The following ANTXR2 variants were observed in gnomAD, a reference collection of about 807,000 sequenced individuals.
ANTXR2 encodes the protein ANTXR cell adhesion molecule 2.
In ANTXR2, 44 loss-of-function variants were observed where a neutral mutation model predicts 73.7. The ratio of observed to expected loss-of-function variants is 0.60; its 90% CI spans 0.47 to 0.77. ANTXR2 has a LOEUF of 0.77. Ranked by LOEUF, ANTXR2 falls within the 30% of genes least tolerant of loss-of-function variation. The pLI, the probability that ANTXR2 is intolerant of heterozygous loss-of-function variation, is 0.00. For synonymous variants in ANTXR2, 217 were observed against 205.9 expected, an observed-to-expected ratio of 1.05 and a Z score of -0.46; for missense variants, 604 against 592.5, an observed-to-expected ratio of 1.02 and a Z score of -0.20.
chr4:80,012,478 ACAATGG>A (rs1212773558), intron 11 of ANTXR2, among the ~76,000 whole-genome samples: 5 of 152,178 alleles, frequency 3.3e-5, no homozygotes, highest in African/African-American at 1.2e-4. Flanking sequence ...TTTTTGCACT[ACAATGG>A]TAGAGTTAAG....
chr4:79,984,272 C>T (rs1275848525), intron 13 of ANTXR2, among the ~76,000 whole-genome samples: 1 of 152,064 alleles, frequency 6.6e-6, no homozygotes, highest in Non-Finnish European at 1.5e-5. Context: ...TCACTTCATA[C>T]TTAGAAAGAT....
intron 3 of ANTXR2, among the ~76,000 whole-genome samples, chr4:80,061,161 A>C (rs1392695102): frequency 6.6e-6 from 1 of 152,124 alleles, no homozygotes; most frequent in Non-Finnish European, 1.5e-5. Context: ...TGCCTTAATA[A>C]ATCTTAGGCC....
intron 16 of ANTXR2, among the ~76,000 whole-genome samples, chr4:79,959,031 TG>T (rs1449757590): frequency 6.6e-6 from 1 of 151,860 alleles, no homozygotes; most frequent in African/African-American, 2.4e-5. Context: ...AAAGATCAAA[TG>T]TTTTTAAAAA....
chr4:80,037,768 A>G (rs1733046121), intron 7 of ANTXR2, among the ~76,000 whole-genome samples: 1 of 152,174 alleles, frequency 6.6e-6, no homozygotes, highest in African/African-American at 2.4e-5. Flanking sequence ...AGGAAATAGA[A>G]TAGAAAAGAT....
At chr4:80,051,507 A>G (rs1174740080) in intron 7 of ANTXR2, among the ~76,000 whole-genome samples, 2 of 151,752 alleles carry the variant, frequency 1.3e-5, no homozygotes, top group Non-Finnish European at 2.9e-5. Context: ...TACTTGAGAT[A>G]ATGAATTACA....
In ANTXR2 at chr4:79,947,385, T is replaced by A. The variant is rs141623795; in HGVS notation, c.1428+30236A>T. ...AGCAAGGTCCTATTCACAACAAGGATTGGTTTGGCATGACCATCATTCATA... is the reference window on the plus strand; with the variant it reads ...AGCAAGGTCCTATTCACAACAAGGAATGGTTTGGCATGACCATCATTCATA... On this transcript the variant is annotated intron_variant, in intron 16 of 16. Coordinates refer to ENST00000403729, the MANE Select transcript of ANTXR2 (RefSeq NM_058172.6). Among the ~76,000 whole-genome samples the A allele has an allele frequency of 2.0e-4, 30 of 152,256 alleles. 1 individual carries two copies. Among genetic ancestry groups the A allele is most frequent in the African/African-American group, 6.7e-4 (28 of 41,556 alleles).
chr4:79,917,660 G>T (rs971456261), intron 16 of ANTXR2, among the ~76,000 whole-genome samples: 1 of 152,096 alleles, frequency 6.6e-6, no homozygotes, highest in Non-Finnish European at 1.5e-5. Context: ...TCAAATTCAT[G>T]AAAGCTACTA....
At chr4:79,914,956 T>C (rs536134819) in intron 16 of ANTXR2, among the ~76,000 whole-genome samples, 1 of 152,268 alleles carries the variant, frequency 6.6e-6, no homozygotes, top group East Asian at 1.9e-4. Flanking sequence ...ATACAGAATG[T>C]ACCAAGGATA....
intron 16 of ANTXR2, among the ~76,000 whole-genome samples, chr4:79,944,742 T>C (rs1256542112): frequency 6.6e-6 from 1 of 152,128 alleles, no homozygotes; most frequent in African/African-American, 2.4e-5. Context: ...CCATTAATCT[T>C]TTAAATACAT....
intron 3 of ANTXR2, among the ~76,000 whole-genome samples, chr4:80,068,572 C>T (rs1734622511): frequency 6.6e-6 from 1 of 152,088 alleles, no homozygotes; most frequent in Non-Finnish European, 1.5e-5. Context: ...AGTTCAAGAT[C>T]AACCTGGCCA....
At chr4:80,009,643 A>G (rs1731474194) in intron 11 of ANTXR2, among the ~76,000 whole-genome samples, 1 of 151,986 alleles carries the variant, frequency 6.6e-6, no homozygotes, top group Non-Finnish European at 1.5e-5. Context: ...GGTCAGGAGT[A>G]TGAGACCAGC....
At chr4:80,019,601 T>C (rs1732059224) in intron 10 of ANTXR2, among the ~76,000 whole-genome samples, 1 of 152,204 alleles carries the variant, frequency 6.6e-6, no homozygotes, top group African/African-American at 2.4e-5. Context: ...AGATCCCATT[T>C]AGCCTATTTC....
chr4:79,981,547 G>A (rs1729890742), intron 14 of ANTXR2, among the ~76,000 whole-genome samples: 2 of 151,508 alleles, frequency 1.3e-5, no homozygotes, highest in African/African-American at 4.9e-5. Flanking sequence ...ATGTGTATAG[G>A]GTATATATCA....
At chr4:80,031,897 C>A (rs767741622) in intron 9 of ANTXR2, among the ~76,000 whole-genome samples, 1 of 151,484 alleles carries the variant, frequency 6.6e-6, no homozygotes, top group South Asian at 2.1e-4. Context: ...GTTGGTAAAT[C>A]ATAAGTTAGG....
At chr4:79,981,560 CA>C (rs1237065867) in intron 14 of ANTXR2, among the ~76,000 whole-genome samples, 1 of 151,868 alleles carries the variant, frequency 6.6e-6, no homozygotes, top group Non-Finnish European at 1.5e-5. Flanking sequence ...ATATATCAAA[CA>C]AAAATAAATT....
chr4:80,051,663 C>G (rs1374322177), intron 7 of ANTXR2, among the ~76,000 whole-genome samples: 2 of 151,636 alleles, frequency 1.3e-5, no homozygotes, highest in Non-Finnish European at 3.0e-5. Context: ...AAGTGATTTT[C>G]TGGATCAAAT....
intron 9 of ANTXR2, among the ~76,000 whole-genome samples, chr4:80,032,937 C>CAA (rs148620017): frequency 6.8e-6 from 1 of 147,758 alleles, no homozygotes; most frequent in Admixed American, 6.7e-5. Context: ...ATCTATAAGG[C>CAA]AAAAAAAGAC....
At chr4:80,011,270 GCTATCTATCTATCTAT>G (rs34305853) in intron 11 of ANTXR2, among the ~76,000 whole-genome samples, 299 of 149,242 alleles carry the variant, frequency 2.0e-3, no homozygotes, top group Middle Eastern at 0.01. Flanking sequence ...ACCTGGTCTT[GCTATCTATCTATCTAT>G]CTATCTATCT....
chr4:80,029,344 T>C (rs1216929009), intron 10 of ANTXR2, among the ~76,000 whole-genome samples: 1 of 152,048 alleles, frequency 6.6e-6, no homozygotes, highest in African/African-American at 2.4e-5. Flanking sequence ...AAGATTTTTT[T>C]TTTCTGCTTT....
Sources: gnomAD v4.1 joint callset for allele counts (sites outside exome capture counted in the v4.1 genomes callset) on GRCh38, gnomAD v4.1.1 for gene constraint, MANE v1.5 for transcripts, NCBI Gene and HGNC (gene_info 2026-07-23, HGNC 2026-07-21) for gene names.